The following ABCD3 variants were observed in gnomAD, a reference collection of about 807,000 sequenced individuals.
ABCD3 encodes the protein ATP-binding cassette sub-family D member 3.
A neutral mutation model predicts 105.5 loss-of-function variants in ABCD3; 41 were observed. The ratio of observed to expected loss-of-function variants is 0.39; its 90% confidence interval spans 0.30 to 0.50. The LOEUF (loss-of-function observed/expected upper bound fraction) is 0.50. Ranked by LOEUF, ABCD3 falls within the 20% of genes least tolerant of loss-of-function variation. The probability of loss-of-function intolerance (pLI) is 0.84; values close to 1 mark genes in which losing one functional copy is unlikely to be tolerated. For missense variants in ABCD3, 622 were observed against 806.3 expected, an observed-to-expected ratio of 0.77 and a Z score of 2.77; for synonymous variants, 258 against 269.0, an observed-to-expected ratio of 0.96 and a Z score of 0.40.
chr1:94,495,557 G>T lies in ABCD3; in HGVS notation c.1387-3045G>T, dbSNP rs4148043. 2.4e-3 allele frequency among the ~76,000 whole-genome samples: 372 copies of T among 152,300 alleles called. 9 individuals carry two copies. In the East Asian group the frequency reaches 0.061, roughly 25 times the overall value. On this transcript the variant is annotated intron_variant, in intron 16 of 22. Transcript: ENST00000370214. ...GTAAAGAAAAGTGAATGCTGAGTAG[G>T]TTAGCCAGGCTTGATTTAGAGCATA...
At chr1:94,459,137 C>G (rs899750212) in intron 2 of ABCD3, among the ~76,000 whole-genome samples, 1 of 151,784 alleles carries the variant, frequency 6.6e-6, no homozygotes, top group Non-Finnish European at 1.5e-5. Flanking sequence ...ACCTTGACCT[C>G]CTGAGCTCTA....
intron 20 of ABCD3, among the ~76,000 whole-genome samples, chr1:94,502,407 TGACA>T (rs1254278115): frequency 1.3e-5 from 2 of 152,112 alleles, no homozygotes; most frequent in Non-Finnish European, 2.9e-5. Context: ...GCTGAAAAGA[TGACA>T]GACAGTATGT....
intron 15 of ABCD3, 33 bp downstream of exon 15, chr1:94,490,008 A>G (rs528192803): frequency 6.4e-7 from 1 of 1,563,090 alleles, no homozygotes; most frequent in African/African-American, 1.4e-5. Context: ...TAGCACCATA[A>G]ATGTTTGTTA....
At chr1:94,478,412 T>G in intron 8 of ABCD3, 97 bp downstream of exon 8, 1 of 1,155,232 alleles carries the variant, frequency 8.7e-7, no homozygotes, top group Non-Finnish European at 1.3e-6. Context: ...TTTTTGTAGA[T>G]CTCAAAGAAT....
chr1:94,502,158 C>T (rs1570828460), intron 20 of ABCD3, among the ~76,000 whole-genome samples: 1 of 152,308 alleles, frequency 6.6e-6, no homozygotes, highest in Non-Finnish European at 1.5e-5. Context: ...TGGCACTTCT[C>T]TAACCGCTCT....
chr1:94,497,017 A>G (rs1379252595), intron 16 of ABCD3, among the ~76,000 whole-genome samples: 1 of 152,012 alleles, frequency 6.6e-6, no homozygotes, highest in Non-Finnish European at 1.5e-5. Flanking sequence ...GGTGGGGGCT[A>G]GAACAGTCTT....
chr1:94,476,905 C>T (rs978427030), intron 7 of ABCD3, among the ~76,000 whole-genome samples: 35 of 151,920 alleles, frequency 2.3e-4, no homozygotes, highest in African/African-American at 7.0e-4. Context: ...CTCTCTGTCT[C>T]TGTGTGTGTA....
At chr1:94,475,899 A>AT (rs1192703075) in intron 7 of ABCD3, among the ~76,000 whole-genome samples, 162 bp downstream of exon 7, 1 of 152,200 alleles carries the variant, frequency 6.6e-6, no homozygotes, top group African/African-American at 2.4e-5. Context: ...AATTATTTTA[A>AT]TTTTTTCTAT....
intron 21 of ABCD3, chr1:94,514,466 G>A (rs184925261): frequency 1.3e-4 from 19 of 151,070 alleles, no homozygotes; most frequent in African/African-American, 4.6e-4. Flanking sequence ...AAAATCTGAA[G>A]TACAGATCTA....
chr1:94,433,265 C>G (rs1765646), intron 1 of ABCD3, among the ~76,000 whole-genome samples: 1 of 152,046 alleles, frequency 6.6e-6, no homozygotes, highest in Non-Finnish European at 1.5e-5. Flanking sequence ...AGCGATTCTC[C>G]TGCCTCAGCC....
rs1352397843 is a variant in ABCD3, at chr1:94,480,238, G to A, written c.685-226G>A. The stretch of plus-strand genomic sequence containing the variant: ...GTTTTTAGGTGAGCAAAATGTAGGA[G>A]AGCTGAGGGATAAGCTACAGTGGTA... On this transcript the variant is annotated intron_variant, in intron 8 of 22. Transcript: ENST00000370214. 3 of 570,604 alleles carry A rather than the reference G, an allele frequency of 5.3e-6. No individual in the cohort carries two copies. The African/African-American group carries it at 5.6e-5, about 11-fold the overall frequency. The allele number at this position is 570,604 out of a possible 1,614,324, so 35.3% of individuals were successfully genotyped here. A position where few individuals can be genotyped will look rare whatever the true frequency, so the allele number is the denominator to read the frequency against.
Position 94,487,537 on chromosome 1 carries a change from G to T in ABCD3, c.898-5G>T. ...AGATGGTTTTTTGTTTTTGTTTTCT[G>T]CCAGGTGGAACACCTACATAATTTC... On this transcript the variant is annotated splice_region_variant and splice_polypyrimidine_tract_variant and intron_variant, in intron 10 of 22. Coordinates refer to ENST00000370214, the MANE Select transcript of ABCD3 (RefSeq NM_002858.4). 4 of 1,613,048 alleles carry T rather than the reference G, an allele frequency of 2.5e-6. No homozygotes were observed. The highest frequency in any genetic ancestry group is 3.4e-6 in the Non-Finnish European group (4 of 1,179,654).
chr1:94,466,587 C>CG (rs1648148320), intron 3 of ABCD3, among the ~76,000 whole-genome samples: 1 of 152,118 alleles, frequency 6.6e-6, no homozygotes, highest in Non-Finnish European at 1.5e-5. Context: ...ACATCCTGTA[C>CG]GTCCCCACAA....
In ABCD3 at chr1:94,499,763, T is replaced by G. The variant is rs921632931; in HGVS notation, c.1740+149T>G. The G allele has an allele frequency of 3.9e-6, 4 of 1,014,232 alleles. No individual in the cohort carries two copies. The African/African-American group carries it at 6.5e-5, about 17-fold the overall frequency. 62.8% of individuals were successfully genotyped at this position (1,014,232 alleles called of 1,614,324 possible). On this transcript the variant is annotated intron_variant, in intron 20 of 22. Coordinates refer to ENST00000370214, the MANE Select transcript of ABCD3 (RefSeq NM_002858.4). ...ATTATCATAAAAGTGCTTGAAAATCTTTAACTTGCATGTAAATTTGGAATT... is the reference window on the plus strand; with the variant it reads ...ATTATCATAAAAGTGCTTGAAAATCGTTAACTTGCATGTAAATTTGGAATT...
chr1:94,515,161 T>C lies in ABCD3; in HGVS notation c.1861T>C (p.Phe621Leu), dbSNP rs1650862940. ...SHCRKVGITLFTVSHRKSLWK... is the reference protein window; with the variant it reads ...SHCRKVGITLLTVSHRKSLWK... ...TTTGTATTAGGTTGGCATCACTCTC[T>C]TCACTGTGTCTCATAGGAAATCTCT... Residue 621 changes from phenylalanine (F) to leucine (L), a missense_variant, in exon 22 of 23, where the codon TTC becomes CTC. Physicochemically the swap from Phe to Leu is conservative, Grantham distance 22. Transcript: ENST00000370214. 6.2e-7 allele frequency: 1 copy of C among 1,610,254 alleles called. No homozygotes were observed. Among genetic ancestry groups the C allele is most frequent in the Non-Finnish European group, 8.5e-7 (1 of 1,177,420 alleles).
At chr1:94,484,090 A>G (rs1649163854) in intron 10 of ABCD3, among the ~76,000 whole-genome samples, 1 of 152,244 alleles carries the variant, frequency 6.6e-6, no homozygotes, top group South Asian at 2.1e-4. Flanking sequence ...CCACAGTGAG[A>G]CACTATCTCA....
At chr1:94,466,545 G>C (rs553133182) in intron 3 of ABCD3, among the ~76,000 whole-genome samples, 4 of 152,224 alleles carry the variant, frequency 2.6e-5, no homozygotes, top group Non-Finnish European at 5.9e-5. Context: ...TATGTCCTCA[G>C]CCTTTCATTT....
chr1:94,485,920 G>A (rs990322522), intron 10 of ABCD3, among the ~76,000 whole-genome samples: 8 of 152,062 alleles, frequency 5.3e-5, no homozygotes, highest in African/African-American at 1.7e-4. Context: ...AGCCAGTTGC[G>A]GTGGCTCACC....
upstream of ABCD3, among the ~76,000 whole-genome samples, chr1:94,414,717 C>T (rs2100854878): frequency 6.6e-6 from 1 of 152,322 alleles, no homozygotes; most frequent in African/African-American, 2.4e-5. Flanking sequence ...CCATCCACAT[C>T]AGACTTAATC....
Sources: allele counts gnomAD v4.1 joint callset (sites outside exome capture counted in the v4.1 genomes callset), GRCh38; gene constraint gnomAD v4.1.1; transcripts MANE v1.5; gene names NCBI Gene and HGNC (gene_info 2026-07-23, HGNC 2026-07-21).